Variants in KCNK2 observed in about 807,000 individuals in gnomAD.
KCNK2 encodes the protein potassium channel subfamily K member 2.
KCNK2 carries 21 observed loss-of-function variants against 40.5 expected under a neutral mutation model. That is an observed-to-expected ratio of 0.52 (90% CI 0.37 to 0.75). The LOEUF (loss-of-function observed/expected upper bound fraction) is 0.75, where lower values mean the gene tolerates loss of function less well. KCNK2 is among the 30% of genes least tolerant of loss of function. The pLI is 0.00. For missense variants in KCNK2, 399 were observed against 531.6 expected (o/e 0.75, Z 2.45); for synonymous variants, 191 against 202.2 (o/e 0.94, Z 0.47).
intron 1 of KCNK2, among the ~76,000 whole-genome samples, chr1:215,042,403 T>G (rs1017834643): frequency 6.6e-6 from 1 of 152,120 alleles, no homozygotes; most frequent in African/African-American, 2.4e-5. Context: ...GAAAAGAAAC[T>G]TGGTAAGGTT....
At chr1:215,037,002 C>CTTTTTTTTTTTTTTTTTTTTTCTTTTT (rs3033912) in intron 1 of KCNK2, among the ~76,000 whole-genome samples, 1 of 125,852 alleles carries the variant, frequency 7.9e-6, no homozygotes, top group Non-Finnish European at 1.6e-5. Flanking sequence ...CCTTTTATTC[C>CTTTTTTTTTTTTTTTTTTTTTCTTTTT]TTTTTTTTTT....
intron 1 of KCNK2, among the ~76,000 whole-genome samples, chr1:215,073,169 A>C (rs1342908243): frequency 6.6e-6 from 1 of 152,166 alleles, no homozygotes; most frequent in African/African-American, 2.4e-5. Context: ...TAAGCCCCAG[A>C]ACCCAAAAGA....
chr1:215,218,500 A>G (rs941616904), intron 6 of KCNK2, among the ~76,000 whole-genome samples: 1 of 152,214 alleles, frequency 6.6e-6, no homozygotes, highest in Non-Finnish European at 1.5e-5. Flanking sequence ...GAATCCTCTC[A>G]GTCATTCCTG....
intron 1 of KCNK2, among the ~76,000 whole-genome samples, chr1:215,047,778 C>A (rs942595641): frequency 6.6e-6 from 1 of 152,050 alleles, no homozygotes; most frequent in Non-Finnish European, 1.5e-5. Context: ...TCATATTTTC[C>A]CTTAACAATT....
intron 2 of KCNK2, among the ~76,000 whole-genome samples, chr1:215,101,045 G>T (rs1460486097): frequency 1.5e-5 from 2 of 131,976 alleles, no homozygotes; most frequent in Non-Finnish European, 3.4e-5. Flanking sequence ...GATAGTTGGT[G>T]TGATGATCTA....
At chr1:215,213,348 C>T in intron 6 of KCNK2, among the ~76,000 whole-genome samples, 1 of 152,122 alleles carries the variant, frequency 6.6e-6, no homozygotes, top group East Asian at 1.9e-4. Context: ...GTGGCTCACG[C>T]CTGTAATTCC....
intron 5 of KCNK2, among the ~76,000 whole-genome samples, chr1:215,186,019 A>G (rs1438650763): frequency 6.6e-6 from 1 of 152,244 alleles, no homozygotes; most frequent in Non-Finnish European, 1.5e-5. Context: ...AATTATTAGA[A>G]GCATCTTAAG....
chr1:215,210,079 G>A (rs1665670336), intron 6 of KCNK2, among the ~76,000 whole-genome samples: 1 of 60,464 alleles, frequency 1.7e-5, no homozygotes, highest in African/African-American at 6.4e-5. Flanking sequence ...ATACACTATA[G>A]ATATGCTATA....
intron 5 of KCNK2, among the ~76,000 whole-genome samples, chr1:215,194,057 A>C (rs574247334): frequency 6.6e-6 from 1 of 152,208 alleles, no homozygotes; most frequent in East Asian, 1.9e-4. Flanking sequence ...TTAACTGTCT[A>C]TATGAGGATT....
chr1:215,220,430 T>C (rs1399737588), intron 6 of KCNK2, among the ~76,000 whole-genome samples: 3 of 152,144 alleles, frequency 2.0e-5, no homozygotes, highest in Admixed American at 2.0e-4. Flanking sequence ...GGCCTCCCTC[T>C]TTGGGTTGAC....
intron 1 of KCNK2, among the ~76,000 whole-genome samples, chr1:215,014,508 G>C (rs575376345): frequency 4.5e-4 from 68 of 151,950 alleles, no homozygotes; most frequent in African/African-American, 1.6e-3. Context: ...AGAGAAATTA[G>C]TGATCAGCTG....
At chr1:215,103,809 A>G (rs1007587122) in intron 2 of KCNK2, among the ~76,000 whole-genome samples, 1 of 152,010 alleles carries the variant, frequency 6.6e-6, no homozygotes, top group Non-Finnish European at 1.5e-5. Context: ...CCTCGCAATC[A>G]TATTATTTCC....
chr1:215,222,655 A>G (rs1162932837), intron 6 of KCNK2, among the ~76,000 whole-genome samples: 1 of 152,122 alleles, frequency 6.6e-6, no homozygotes, highest in Admixed American at 6.6e-5. Context: ...TGAATATTAC[A>G]TATACTTCTC....
chr1:215,007,834 A>G (rs1445467205), intron 1 of KCNK2, among the ~76,000 whole-genome samples: 1 of 152,214 alleles, frequency 6.6e-6, no homozygotes, highest in East Asian at 1.9e-4. Context: ...ATATAAATGT[A>G]TATAACATCA....
intron 1 of KCNK2, among the ~76,000 whole-genome samples, chr1:215,015,003 C>T (rs1056806944): frequency 6.6e-6 from 1 of 152,130 alleles, no homozygotes; most frequent in Non-Finnish European, 1.5e-5. Context: ...GAAGTCCGCT[C>T]CTTTCATCCA....
chr1:215,110,103 T>C (rs1472144702), intron 2 of KCNK2, among the ~76,000 whole-genome samples: 2 of 152,146 alleles, frequency 1.3e-5, no homozygotes, highest in Non-Finnish European at 2.9e-5. Flanking sequence ...TTGCACCTTC[T>C]GGATATGAGT....
intron 3 of KCNK2, among the ~76,000 whole-genome samples, chr1:215,138,111 A>C (rs968665575): frequency 1.3e-5 from 2 of 152,214 alleles, no homozygotes; most frequent in Non-Finnish European, 2.9e-5. Context: ...ACATGTTCCA[A>C]TGTAGGTGCT....
intron 2 of KCNK2, among the ~76,000 whole-genome samples, chr1:215,115,384 G>GA (rs1660887490): frequency 6.6e-6 from 1 of 152,100 alleles, no homozygotes; most frequent in Non-Finnish European, 1.5e-5. Context: ...AACTGACAGA[G>GA]AAAAACATCC....
intron 1 of KCNK2, among the ~76,000 whole-genome samples, chr1:215,015,173 A>G (rs970702469): frequency 6.6e-6 from 1 of 152,022 alleles, no homozygotes; most frequent in Non-Finnish European, 1.5e-5. Context: ...GCTCCTTTCC[A>G]ATTTCTCTCT....
Sources: allele counts gnomAD v4.1 joint callset (sites outside exome capture counted in the v4.1 genomes callset), GRCh38; gene constraint gnomAD v4.1.1; transcripts MANE v1.5; gene names NCBI Gene and HGNC (gene_info 2026-07-23, HGNC 2026-07-21).